ADAM22: variants seen among roughly 807,000 people sequenced by gnomAD.
The protein encoded by ADAM22 is ADAM metallopeptidase domain 22.
ADAM22 carries 65 observed loss-of-function variants against 144.6 expected under a neutral mutation model. That is an observed-to-expected ratio of 0.45 (90% CI 0.37 to 0.55). The LOEUF (loss-of-function observed/expected upper bound fraction) is 0.55, where lower values mean the gene tolerates loss of function less well. Ranked by LOEUF, ADAM22 falls within the 20% of genes least tolerant of loss-of-function variation. The pLI, the probability that ADAM22 is intolerant of heterozygous loss-of-function variation, is 0.00. For missense variants in ADAM22, 974 were observed against 1,184.9 expected, an observed-to-expected ratio of 0.82 and a Z score of 2.61; for synonymous variants, 391 against 412.6, an observed-to-expected ratio of 0.95 and a Z score of 0.63.
In ADAM22 at chr7:88,165,219, TA is replaced by T. The variant is rs201564491; in HGVS notation, c.2077-604del. The stretch of plus-strand genomic sequence containing the variant: ...GAAGAGAGATTATTTTCCTATAATA[TA>T]AAAAAAAATGGTGTCAATTTTATAT... On this transcript the variant is annotated intron_variant, in intron 23 of 31. Transcript: ENST00000413139. 3.5e-3 allele frequency among the ~76,000 whole-genome samples: 526 copies of T among 151,222 alleles called. 1 individual carries two copies. The highest frequency in any genetic ancestry group is 0.012 in the African/African-American group (476 of 41,306).
At chr7:88,106,051 G>T (rs1252341884) in intron 4 of ADAM22, among the ~76,000 whole-genome samples, 2 of 152,132 alleles carry the variant, frequency 1.3e-5, no homozygotes, top group Non-Finnish European at 2.9e-5. Context: ...TACACAGCTG[G>T]TAAGGGAAGG....
At chr7:87,990,897 C>T (rs1269348842) in intron 3 of ADAM22, among the ~76,000 whole-genome samples, 1 of 152,174 alleles carries the variant, frequency 6.6e-6, no homozygotes, top group Non-Finnish European at 1.5e-5. Context: ...ATCCTGACCT[C>T]AAGTGATCCA....
intron 2 of ADAM22, among the ~76,000 whole-genome samples, chr7:87,942,505 A>G (rs1012722134): frequency 6.6e-6 from 1 of 152,196 alleles, no homozygotes; most frequent in East Asian, 1.9e-4. Flanking sequence ...AGATGCCATT[A>G]AATGTTGCTG....
chr7:88,151,291 A>G lies in ADAM22; in HGVS notation c.1652A>G (p.Asp551Gly). ...TTTGGAGGAAGATGCAAAACCAGAG[A>G]TAGACAATGCAAATACATTTGGGGG... ...ICFGGRCKTR[D>G]RQCKYIWGQK... Residue 551 changes from aspartate (D) to glycine (G), a missense_variant, in exon 20 of 32, where the codon GAT becomes GGT. Coordinates refer to ENST00000413139, the MANE Select transcript of ADAM22 (RefSeq NM_001324418.2). 1 of 1,614,162 alleles carries G rather than the reference A, an allele frequency of 6.2e-7. No homozygotes were observed. Among genetic ancestry groups the G allele is most frequent in the Non-Finnish European group, 8.5e-7 (1 of 1,180,004 alleles).
intron 15 of ADAM22, among the ~76,000 whole-genome samples, chr7:88,143,753 A>G (rs962391838): frequency 2.6e-5 from 4 of 152,252 alleles, no homozygotes; most frequent in Non-Finnish European, 4.4e-5. Context: ...GAACTGTGAA[A>G]TGCTTCTGTG....
intron 17 of ADAM22, among the ~76,000 whole-genome samples, chr7:88,146,098 A>G (rs1304205018): frequency 6.6e-6 from 1 of 152,152 alleles, no homozygotes; most frequent in Non-Finnish European, 1.5e-5. Context: ...AAGCCTTTAC[A>G]TCAATACTAA....
intron 15 of ADAM22, among the ~76,000 whole-genome samples, chr7:88,144,487 G>C (rs1586156554): frequency 6.6e-6 from 1 of 152,040 alleles, no homozygotes; most frequent in Non-Finnish European, 1.5e-5. Context: ...TTAATAGGAG[G>C]AGCTGTATTT....
chr7:88,090,720 G>C (rs890592193), intron 4 of ADAM22, among the ~76,000 whole-genome samples: 4 of 152,042 alleles, frequency 2.6e-5, no homozygotes, highest in Non-Finnish European at 4.4e-5. Context: ...GATTCCATAA[G>C]TAGGGTTCAC....
intron 3 of ADAM22, among the ~76,000 whole-genome samples, chr7:88,021,323 T>C (rs1341097575): frequency 3.9e-5 from 6 of 152,204 alleles, no homozygotes; most frequent in Admixed American, 3.9e-4. Context: ...ACTCTTGTTA[T>C]TTTGTAAGTA....
intron 18 of ADAM22, 68 bp from the exon 19 acceptor site, chr7:88,150,913 A>G (rs755309571): frequency 2.6e-5 from 34 of 1,320,560 alleles, no homozygotes; most frequent in Non-Finnish European, 3.4e-5. Context: ...AAGTGAAAAC[A>G]TTAAAGGGTT....
At position 88,199,892 on chromosome 7, in the gene ADAM22, A is replaced by G. The variant is rs1238610038; in HGVS notation, c.*3401A>G. The G allele has an allele frequency of 1.3e-5, 2 of 152,256 alleles. No homozygotes were observed. Among genetic ancestry groups the G allele is most frequent in the Non-Finnish European group, 2.9e-5 (2 of 68,044 alleles). 9.4% of individuals were successfully genotyped at this position (152,256 alleles called of 1,614,324 possible). A position where few individuals can be genotyped will look rare whatever the true frequency, so the allele number is the denominator to read the frequency against. On this transcript the variant is annotated 3_prime_UTR_variant, in exon 32 of 32. Coordinates refer to ENST00000413139, the MANE Select transcript of ADAM22 (RefSeq NM_001324418.2). ...GTCAGTCTGGCATAGAATTTCTGAA[A>G]GTAACATTAATAGGATTTCTAAAGA...
intron 5 of ADAM22, among the ~76,000 whole-genome samples, chr7:88,113,681 AT>A (rs1346714257): frequency 2.7e-5 from 3 of 112,256 alleles, no homozygotes; most frequent in African/African-American, 1.1e-4. Context: ...TATATAATAT[AT>A]ATATTATAAA....
chr7:88,071,037 T>G (rs1812613330), intron 3 of ADAM22, among the ~76,000 whole-genome samples: 1 of 152,180 alleles, frequency 6.6e-6, no homozygotes, highest in Non-Finnish European at 1.5e-5. Flanking sequence ...CCATTCAAGA[T>G]GTTCTATTTC....
chr7:87,950,784 A>G (rs1463761546), intron 2 of ADAM22, among the ~76,000 whole-genome samples: 245 of 150,038 alleles, frequency 1.6e-3, no homozygotes, highest in African/African-American at 5.9e-3. Context: ...ATTTCTCCAC[A>G]TCCTCTCCAG....
At chr7:88,054,162 A>G (rs1807484232) in intron 3 of ADAM22, among the ~76,000 whole-genome samples, 1 of 139,588 alleles carries the variant, frequency 7.2e-6, no homozygotes, top group South Asian at 2.2e-4. Flanking sequence ...CTGTGATGTC[A>G]TGTACACATG....
chr7:88,114,182 C>T (rs370678833), intron 5 of ADAM22, among the ~76,000 whole-genome samples: 1 of 152,132 alleles, frequency 6.6e-6, no homozygotes, highest in South Asian at 2.1e-4. Flanking sequence ...AAACCTGCAT[C>T]AGGATCACCT....
chr7:88,039,167 G>T (rs373391256), intron 3 of ADAM22, among the ~76,000 whole-genome samples: 8 of 151,812 alleles, frequency 5.3e-5, no homozygotes, highest in African/African-American at 1.9e-4. Context: ...TTCATGGGCC[G>T]GGCATGGTGG....
intron 28 of ADAM22, 24 bp from the exon 29 acceptor site, chr7:88,181,934 C>G: frequency 6.2e-7 from 1 of 1,604,848 alleles, no homozygotes; most frequent in Non-Finnish European, 8.5e-7. Context: ...ACATGGAAAT[C>G]TAGCTCTAAA....
At chr7:87,943,734 A>G (rs1219082113) in intron 2 of ADAM22, among the ~76,000 whole-genome samples, 1 of 152,226 alleles carries the variant, frequency 6.6e-6, no homozygotes, top group Admixed American at 6.5e-5. Context: ...CTAACTGGAA[A>G]GAGAAGGAAT....
Sources: allele counts gnomAD v4.1 joint callset (sites outside exome capture counted in the v4.1 genomes callset), GRCh38; gene constraint gnomAD v4.1.1; transcripts MANE v1.5; gene names NCBI Gene and HGNC (gene_info 2026-07-23, HGNC 2026-07-21).